B3GALT1: variants seen among roughly 807,000 people sequenced by gnomAD.
B3GALT1 encodes beta-1,3-galactosyltransferase 1.
B3GALT1 carries 10 observed loss-of-function variants against 23.2 expected under a neutral mutation model. That is an observed-to-expected ratio of 0.43 (90% confidence interval 0.27 to 0.73). B3GALT1 has a LOEUF of 0.73. Among genes scored for constraint, B3GALT1 ranks in the 30% least tolerant of loss-of-function variants. The probability of loss-of-function intolerance (pLI) is 0.21; values close to 1 mark genes in which losing one functional copy is unlikely to be tolerated. For missense variants in B3GALT1, 299 were observed against 405.4 expected (o/e 0.74, Z 2.25); for synonymous variants, 156 against 141.5 (o/e 1.10, Z -0.73).
At chr2:167,307,657 A>T (rs1696570319) in intron 1 of B3GALT1, among the ~76,000 whole-genome samples, 2 of 151,968 alleles carry the variant, frequency 1.3e-5, no homozygotes, top group Non-Finnish European at 2.9e-5. Flanking sequence ...ATATTAATAG[A>T]TGGAATGTTA....
Position 167,325,779 on chromosome 2 carries a change from G to A in B3GALT1, c.-511+32445G>A, listed in dbSNP as rs540221402. On this transcript the variant is annotated intron_variant, in intron 1 of 4. Transcript: ENST00000392690. ...GTTGCCTAGGCTGGAGTGCAGTGGT[G>A]CGATCTCAGCTCACTGCAACCTCTG... is the stretch of plus-strand genomic sequence containing the variant. 3.5e-4 allele frequency among the ~76,000 whole-genome samples: 51 copies of A among 146,394 alleles called. 2 individuals are homozygous for A. In the South Asian group the frequency reaches 0.011, roughly 31 times the overall value.
At chr2:167,448,014 C>T (rs1028571598) in intron 1 of B3GALT1, among the ~76,000 whole-genome samples, 1 of 152,088 alleles carries the variant, frequency 6.6e-6, no homozygotes, top group Non-Finnish European at 1.5e-5. Flanking sequence ...TTTCTTTATC[C>T]ACTTTTTGAT....
intron 3 of B3GALT1, among the ~76,000 whole-genome samples, chr2:167,810,125 C>T (rs1048215520): frequency 2.6e-5 from 4 of 151,076 alleles, no homozygotes; most frequent in Non-Finnish European, 1.5e-5. Flanking sequence ...TTGCTAAGAC[C>T]ATTGGAAAAG....
intron 3 of B3GALT1, among the ~76,000 whole-genome samples, chr2:167,749,207 C>T (rs1015165927): frequency 6.6e-6 from 1 of 152,152 alleles, no homozygotes; most frequent in African/African-American, 2.4e-5. Flanking sequence ...ACAAGTTAAC[C>T]TTAAGGACAC....
At chr2:167,338,728 G>A (rs1007659000) in intron 1 of B3GALT1, among the ~76,000 whole-genome samples, 3 of 151,940 alleles carry the variant, frequency 2.0e-5, no homozygotes, top group African/African-American at 4.8e-5. Context: ...AAGCCATAAT[G>A]GAAAAAAGTG....
intron 3 of B3GALT1, among the ~76,000 whole-genome samples, chr2:167,804,605 G>C (rs796768162): frequency 6.6e-6 from 1 of 151,972 alleles, no homozygotes; most frequent in East Asian, 1.9e-4. Flanking sequence ...GAGATAGTTT[G>C]CTGAGAATGA....
chr2:167,646,021 T>C (rs1485177274), intron 2 of B3GALT1, among the ~76,000 whole-genome samples: 1 of 152,174 alleles, frequency 6.6e-6, no homozygotes, highest in African/African-American at 2.4e-5. Context: ...GAATACCCTT[T>C]CCTGGTGTAC....
chr2:167,356,365 T>C (rs1697404179), intron 1 of B3GALT1, among the ~76,000 whole-genome samples: 1 of 152,208 alleles, frequency 6.6e-6, no homozygotes, highest in Admixed American at 6.5e-5. Context: ...ATTAGAGCGA[T>C]GTATTTATTT....
At chr2:167,594,348 G>A (rs1014263136) in intron 2 of B3GALT1, among the ~76,000 whole-genome samples, 29 of 152,078 alleles carry the variant, frequency 1.9e-4, no homozygotes, top group African/African-American at 4.1e-4. Context: ...TTCTTTTAAT[G>A]TCAGGATGGC....
At chr2:167,578,208 C>T (rs1482202714) in intron 2 of B3GALT1, among the ~76,000 whole-genome samples, 1 of 151,958 alleles carries the variant, frequency 6.6e-6, no homozygotes, top group Non-Finnish European at 1.5e-5. Context: ...ATTCAGATAT[C>T]ACCTAGCCTA....
At chr2:167,805,693 GTTT>G (rs1688738045) in intron 3 of B3GALT1, among the ~76,000 whole-genome samples, 1 of 152,152 alleles carries the variant, frequency 6.6e-6, no homozygotes. Flanking sequence ...CTATATCTCT[GTTT>G]TGGTACCAGT....
At chr2:167,861,003 C>T (rs142109604) in intron 4 of B3GALT1, among the ~76,000 whole-genome samples, 40 of 152,094 alleles carry the variant, frequency 2.6e-4, no homozygotes, top group African/African-American at 9.4e-4. Context: ...AAATTACTTG[C>T]TCAAATCAGG....
chr2:167,499,548 T>C (rs1450799060), intron 2 of B3GALT1, among the ~76,000 whole-genome samples: 1 of 152,206 alleles, frequency 6.6e-6, no homozygotes, highest in East Asian at 1.9e-4. Context: ...ATGGCAAATC[T>C]GGCAACACTA....
At chr2:167,677,100 C>A (rs1442148168) in intron 3 of B3GALT1, among the ~76,000 whole-genome samples, 1 of 151,930 alleles carries the variant, frequency 6.6e-6, no homozygotes, top group Non-Finnish European at 1.5e-5. Context: ...GGGTGTAGGT[C>A]AATTAATATG....
At chr2:167,523,219 C>T (rs756592761) in intron 2 of B3GALT1, among the ~76,000 whole-genome samples, 1 of 152,128 alleles carries the variant, frequency 6.6e-6, no homozygotes, top group African/African-American at 2.4e-5. Flanking sequence ...GAAAGAACAT[C>T]TTAATCTGAA....
intron 1 of B3GALT1, among the ~76,000 whole-genome samples, chr2:167,392,564 G>T (rs1361991308): frequency 6.6e-6 from 1 of 152,004 alleles, no homozygotes; most frequent in Non-Finnish European, 1.5e-5. Flanking sequence ...TTCAATTTTT[G>T]AACCTTGTCT....
At chr2:167,352,126 ATTTTTT>A in intron 1 of B3GALT1, among the ~76,000 whole-genome samples, 1 of 138,262 alleles carries the variant, frequency 7.2e-6, no homozygotes, top group Non-Finnish European at 1.6e-5. Flanking sequence ...TACCCGGCTA[ATTTTTT>A]TTTTTTTTTG....
chr2:167,739,355 A>G (rs1238644056), intron 3 of B3GALT1, among the ~76,000 whole-genome samples: 1 of 152,198 alleles, frequency 6.6e-6, no homozygotes, highest in Admixed American at 6.5e-5. Flanking sequence ...AAGACGTAAC[A>G]GCTTCCTTGG....
intron 4 of B3GALT1, among the ~76,000 whole-genome samples, chr2:167,834,548 G>C (rs190364050): frequency 1.7e-4 from 26 of 152,138 alleles, no homozygotes; most frequent in African/African-American, 5.8e-4. Context: ...CAAATGGTTA[G>C]ACTTTCTACA....
Sources: gnomAD v4.1 joint callset for allele counts (sites outside exome capture counted in the v4.1 genomes callset) on GRCh38, gnomAD v4.1.1 for gene constraint, MANE v1.5 for transcripts, NCBI Gene and HGNC (gene_info 2026-07-23, HGNC 2026-07-21) for gene names.